The following CAMK2G variants were observed in gnomAD, a reference collection of about 807,000 sequenced individuals.
The protein encoded by CAMK2G is calcium/calmodulin-dependent protein kinase type II subunit gamma.
CAMK2G carries 23 observed loss-of-function variants against 88.7 expected under a neutral mutation model. That is an observed-to-expected ratio of 0.26 (90% CI 0.19 to 0.37). CAMK2G has a LOEUF of 0.37. Ranked by LOEUF, CAMK2G falls within the 10% of genes least tolerant of loss-of-function variation. The pLI is 1.00. For missense variants in CAMK2G, 476 were observed against 780.8 expected (o/e 0.61, Z 4.65); for synonymous variants, 263 against 294.8 (o/e 0.89, Z 1.11).
chr10:73,873,895 G>C (rs1249378731), intron 1 of CAMK2G, among the ~76,000 whole-genome samples: 1 of 110,596 alleles, frequency 9.0e-6, no homozygotes, highest in Non-Finnish European at 1.8e-5. Flanking sequence ...CGGGGGTGCC[G>C]CAGCACTGCC....
intron 2 of CAMK2G, among the ~76,000 whole-genome samples, chr10:73,862,324 C>T (rs2095419218): frequency 7.0e-6 from 1 of 142,428 alleles, no homozygotes; most frequent in Non-Finnish European, 1.5e-5. Flanking sequence ...TTTCCCAATG[C>T]ACTTCTCACG....
In CAMK2G at chr10:73,820,464, T is replaced by TTTTA. The variant is rs1483925128; in HGVS notation, c.1250-820_1250-819insTAAA. On this transcript the variant is annotated intron_variant, in intron 18 of 22. Coordinates refer to ENST00000423381, the MANE Select transcript of CAMK2G (RefSeq NM_001367534.1). ...TCCCAGGACTATCTGGGTTTTATAT[T>TTTTA]TATATATATATATATATATATATAT... is the stretch of plus-strand genomic sequence containing the variant. Among the ~76,000 whole-genome samples the TTTTA allele has an allele frequency of 1.2e-4, 9 of 74,082 alleles. No individual in the cohort carries two copies. In the South Asian group the frequency reaches 2.7e-3, roughly 22 times the overall value. 48.6% of individuals were successfully genotyped at this position (74,082 alleles called of 152,430 possible).
intron 10 of CAMK2G, among the ~76,000 whole-genome samples, chr10:73,845,858 GCTCT>G (rs971962883): frequency 6.6e-5 from 10 of 150,710 alleles, no homozygotes; most frequent in African/African-American, 2.0e-4. Context: ...AGCTTCCTGA[GCTCT>G]CTGTCTCCAG....
intron 19 of CAMK2G, chr10:73,817,786 T>C (rs1189374656): frequency 7.2e-6 from 4 of 555,926 alleles, no homozygotes; most frequent in Non-Finnish European, 1.3e-5. Flanking sequence ...TAGTTATGGT[T>C]CTTTGGCCTT....
intron 14 of CAMK2G, among the ~76,000 whole-genome samples, chr10:73,829,601 T>C (rs1226181334): frequency 6.6e-6 from 1 of 151,988 alleles, no homozygotes; most frequent in Non-Finnish European, 1.5e-5. Flanking sequence ...CACACAGCCT[T>C]ACAGTGGCCT....
chr10:73,832,009 C>T (rs181037506), intron 14 of CAMK2G, among the ~76,000 whole-genome samples: 98 of 151,812 alleles, frequency 6.5e-4, no homozygotes, highest in African/African-American at 2.1e-3. Context: ...CCTCAGCCTC[C>T]CAAGTAGCTG....
At chr10:73,872,568 C>A (rs1379364691) in intron 2 of CAMK2G, among the ~76,000 whole-genome samples, 1 of 152,210 alleles carries the variant, frequency 6.6e-6, no homozygotes, top group Admixed American at 6.5e-5. Flanking sequence ...TTTGTCAGAG[C>A]TGCTCACTTA....
rs986255252 is a variant in CAMK2G at position 73,873,170 on chromosome 10, C to T, written c.66-87G>A. On this transcript the variant is annotated intron_variant, in intron 1 of 22. Coordinates refer to ENST00000423381, the MANE Select transcript of CAMK2G (RefSeq NM_001367534.1). ...TCAAGTCTGGGGACGATGATGCTCC[C>T]ACCACCAGACCTCTAGTCACACTCA... 7.7e-6 allele frequency: 8 copies of T among 1,032,842 alleles called. No homozygotes were observed. The Admixed American group carries it at 1.4e-4, about 18-fold the overall frequency. 64.0% of individuals were successfully genotyped at this position (1,032,842 alleles called of 1,614,324 possible). A position where few individuals can be genotyped will look rare whatever the true frequency, so the allele number is the denominator to read the frequency against.
intron 15 of CAMK2G, 132 bp from the exon 16 acceptor site, chr10:73,825,479 T>A: frequency 2.9e-6 from 2 of 698,132 alleles, no homozygotes; most frequent in South Asian, 3.2e-5. Flanking sequence ...TAACGCTGTG[T>A]AGATGGGAGC....
At chr10:73,825,810 G>A (rs1309450311) in intron 15 of CAMK2G, among the ~76,000 whole-genome samples, 2 of 152,210 alleles carry the variant, frequency 1.3e-5, no homozygotes, top group African/African-American at 4.8e-5. Flanking sequence ...ACACCAGCTC[G>A]AAGCCTGAAA....
Position 73,839,598 on chromosome 10 carries a change from C to A in CAMK2G, c.950G>T (p.Gly317Val). ...CGAGGCGGGGGCGGAGCTCTGCCTG[C>A]CAACTGAGGGGATACAGTCTCTCAG... The part of the protein sequence containing the change: ...TMLVSRNFSV[G>V]RQSSAPASPA... The change falls in exon 13 of 23, where the codon GGC becomes GTC. Residue 317 changes from glycine to valine, a missense_variant. By Grantham distance (109) the Gly-to-Val change is moderately radical (BLOSUM62 -3). Transcript: ENST00000423381. This position sits in a 1 kb window ranked among gnomAD's most constrained non-coding sequence, Gnocchi z 4.2. The A allele has an allele frequency of 8.1e-7, 1 of 1,232,850 alleles. No homozygotes were observed. 76.4% of individuals were successfully genotyped at this position (1,232,850 alleles called of 1,614,324 possible). A position where few individuals can be genotyped will look rare whatever the true frequency, so the allele number is the denominator to read the frequency against.
chr10:73,850,151 G>A (rs924148611), intron 5 of CAMK2G, among the ~76,000 whole-genome samples: 1 of 152,016 alleles, frequency 6.6e-6, no homozygotes, highest in African/African-American at 2.4e-5. Context: ...ATGAGCCACC[G>A]TGCCCAGCTA....
rs2093587014 is a variant in CAMK2G at position 73,839,530 on chromosome 10, G to T, written c.1009+9C>A. The T allele has an allele frequency of 8.1e-7, 1 of 1,233,522 alleles. No homozygotes were observed. The highest frequency in any genetic ancestry group is 3.2e-5 in the East Asian group (1 of 31,674). 76.4% of individuals were successfully genotyped at this position (1,233,522 alleles called of 1,614,324 possible). On this transcript the variant is annotated intron_variant, in intron 13 of 22. Transcript: ENST00000423381. This position sits in a 1 kb window ranked among gnomAD's most constrained non-coding sequence, Gnocchi z 4.2. Reference sequence around the variant, plus strand: ...AGGCAGGCGGTCGGGGAGGACTCATGCCACGTACCTTGCCCGGCCAGGCCG... The same window carrying T: ...AGGCAGGCGGTCGGGGAGGACTCATTCCACGTACCTTGCCCGGCCAGGCCG...
At chr10:73,816,627 T>C in intron 21 of CAMK2G, 1 of 656,878 alleles carries the variant, frequency 1.5e-6, no homozygotes, top group Non-Finnish European at 2.2e-6. Flanking sequence ...GCCCGGCTAA[T>C]TTTTTGTATT....
intron 16 of CAMK2G, 112 bp downstream of exon 16, chr10:73,825,167 G>C: frequency 1.2e-6 from 1 of 803,114 alleles, no homozygotes; most frequent in Non-Finnish European, 2.2e-6. Context: ...AGTTCTATGG[G>C]GACCAAGAAA....
intron 16 of CAMK2G, among the ~76,000 whole-genome samples, chr10:73,824,646 G>A (rs996838038): frequency 6.6e-6 from 1 of 152,222 alleles, no homozygotes; most frequent in African/African-American, 2.4e-5. Context: ...GGTCCGCAAG[G>A]AGGGGAGTAG....
intron 18 of CAMK2G, among the ~76,000 whole-genome samples, chr10:73,821,461 G>A (rs893784054): frequency 6.6e-6 from 1 of 152,182 alleles, no homozygotes; most frequent in African/African-American, 2.4e-5. Flanking sequence ...AGCTATTTTA[G>A]ACTTGGGGTC....
chr10:73,847,188 AC>A, intron 10 of CAMK2G, 36 bp downstream of exon 10: 1 of 1,608,308 alleles, frequency 6.2e-7, no homozygotes, highest in Non-Finnish European at 8.5e-7. Context: ...GAAGGCTGAC[AC>A]CCCTGAGCTC....
chr10:73,815,933 G>T, intron 21 of CAMK2G: 1 of 984,838 alleles, frequency 1.0e-6, no homozygotes, highest in African/African-American at 1.7e-5. Context: ...TTAGACAGGG[G>T]CTACATGACA....
Sources: allele counts gnomAD v4.1 joint callset (sites outside exome capture counted in the v4.1 genomes callset), GRCh38; gene constraint gnomAD v4.1.1; non-coding constraint Gnocchi (gnomAD v3.1); transcripts MANE v1.5; gene names NCBI Gene and HGNC (gene_info 2026-07-23, HGNC 2026-07-21).